RTL9: variants seen among roughly 807,000 people sequenced by gnomAD.
RTL9 encodes retrotransposon Gag-like protein 9.
A neutral mutation model predicts 44.7 loss-of-function variants in RTL9; 19 were observed. That is an observed-to-expected ratio of 0.42 (90% CI 0.30 to 0.62). RTL9 has a LOEUF of 0.62. Among genes scored for constraint, RTL9 ranks in the 20% least tolerant of loss-of-function variants. The probability of loss-of-function intolerance (pLI) is 0.16; values close to 1 mark genes in which losing one functional copy is unlikely to be tolerated. For missense variants in RTL9, 1,105 were observed against 1,080.6 expected (o/e 1.02, Z -0.32); for synonymous variants, 407 against 398.9 (o/e 1.02, Z -0.24).
chrX:110,394,464 G>A (rs1205897780), intron 1 of RTL9, among the ~76,000 whole-genome samples: 1 of 112,237 alleles, frequency 8.9e-6, no homozygotes, highest in African/African-American at 3.2e-5. Context: ...TGTTGCCCAG[G>A]CTGGTATTTG....
intron 1 of RTL9, among the ~76,000 whole-genome samples, chrX:110,432,426 G>T (rs1007205493): frequency 8.9e-6 from 1 of 112,171 alleles, no homozygotes; most frequent in Admixed American, 9.4e-5. Flanking sequence ...TGGTAGTGGT[G>T]GGGAGGGTTG....
chrX:110,411,168 A>G, intron 1 of RTL9, among the ~76,000 whole-genome samples: 1 of 112,051 alleles, frequency 8.9e-6, no homozygotes, highest in Non-Finnish European at 1.9e-5. Context: ...CCGACAGTGA[A>G]CCTTGGCGTG....
At chrX:110,410,322 G>C (rs900444184) in intron 1 of RTL9, among the ~76,000 whole-genome samples, 3 of 111,741 alleles carry the variant, frequency 2.7e-5, no homozygotes, top group Non-Finnish European at 5.6e-5. Context: ...GCATCTTAAA[G>C]GTTGTTTTTC....
intron 1 of RTL9, among the ~76,000 whole-genome samples, chrX:110,385,900 C>G (rs191784423): frequency 5.4e-5 from 6 of 111,881 alleles, no homozygotes; most frequent in Non-Finnish European, 1.1e-4. Flanking sequence ...CTCCCACTTA[C>G]AAGTGAGAAC....
At chrX:110,363,173 T>C (rs1000679670) in intron 1 of RTL9, among the ~76,000 whole-genome samples, 3 of 111,942 alleles carry the variant, frequency 2.7e-5, no homozygotes, top group African/African-American at 9.8e-5. Context: ...TGGGGCTATA[T>C]GGGTGGGAAT....
At chrX:110,416,505 C>G (rs1325888054), upstream of RTL9, among the ~76,000 whole-genome samples, 2 of 110,687 alleles carry the variant, frequency 1.8e-5, no homozygotes, top group Non-Finnish European at 3.8e-5. Context: ...TGCCCGGGGT[C>G]ACTCAGGCTA....
chrX:110,431,763 C>G (rs1332296739), intron 1 of RTL9, among the ~76,000 whole-genome samples: 1 of 111,908 alleles, frequency 8.9e-6, no homozygotes, highest in African/African-American at 3.3e-5. Context: ...CCAGGACTCA[C>G]TGCTAGAAAA....
At chrX:110,407,182 C>T (rs1311929444) in intron 1 of RTL9, among the ~76,000 whole-genome samples, 1 of 112,298 alleles carries the variant, frequency 8.9e-6, no homozygotes, top group Non-Finnish European at 1.9e-5. Context: ...TCTGCTTCCC[C>T]ATCCTGGTTT....
intron 1 of RTL9, among the ~76,000 whole-genome samples, chrX:110,400,535 C>G (rs989503447): frequency 5.4e-5 from 6 of 110,898 alleles, no homozygotes; most frequent in Admixed American, 2.9e-4. Context: ...CTCACCAGTC[C>G]TCACTACATT....
intron 1 of RTL9, among the ~76,000 whole-genome samples, chrX:110,374,437 T>C (rs991668090): frequency 1.8e-5 from 2 of 112,034 alleles, no homozygotes; most frequent in Non-Finnish European, 3.8e-5. Context: ...CAGCCTGAGA[T>C]TGGATCCCCC....
chrX:110,406,718 C>T (rs557897806), intron 1 of RTL9, among the ~76,000 whole-genome samples: 1 of 112,322 alleles, frequency 8.9e-6, no homozygotes, highest in Middle Eastern at 4.6e-3. Context: ...TACACACCCA[C>T]CAACAGTGTA....
chrX:110,448,396 G>A (rs1050580109), upstream of RTL9, among the ~76,000 whole-genome samples: 10 of 110,243 alleles, frequency 9.1e-5, no homozygotes, highest in Non-Finnish European at 1.3e-4. Context: ...CAGAGGGCAC[G>A]TATCTTGTTT....
At chrX:110,439,554 C>G (rs574870068) in intron 1 of RTL9, among the ~76,000 whole-genome samples, 1 of 112,014 alleles carries the variant, frequency 8.9e-6, no homozygotes, top group African/African-American at 3.3e-5. Context: ...TTAAGACATT[C>G]AAATGCCAAG....
intron 1 of RTL9, among the ~76,000 whole-genome samples, chrX:110,383,768 G>C (rs2068436120): frequency 9.0e-6 from 1 of 111,253 alleles, no homozygotes; most frequent in Non-Finnish European, 1.9e-5. Context: ...TTAATTAATC[G>C]TCCTTTGAGC....
intron 1 of RTL9, among the ~76,000 whole-genome samples, chrX:110,378,546 CCTAT>C (rs1360844901): frequency 3.6e-5 from 4 of 112,096 alleles, no homozygotes; most frequent in Non-Finnish European, 7.5e-5. Flanking sequence ...TATATGTTTG[CCTAT>C]CTTTCTTTTC....
intron 1 of RTL9, among the ~76,000 whole-genome samples, chrX:110,378,078 C>T (rs1418023867): frequency 3.7e-5 from 4 of 107,499 alleles, no homozygotes; most frequent in Non-Finnish European, 7.7e-5. Context: ...TCCTTTTCTT[C>T]AAGATTCTGA....
intron 1 of RTL9, among the ~76,000 whole-genome samples, chrX:110,407,472 A>G (rs955241277): frequency 4.3e-4 from 48 of 112,551 alleles, no homozygotes; most frequent in African/African-American, 1.5e-3. Flanking sequence ...AATAATACAA[A>G]TAACAACCAT....
intron 1 of RTL9, among the ~76,000 whole-genome samples, chrX:110,388,873 C>T (rs1490381041): frequency 3.6e-5 from 4 of 112,445 alleles, no homozygotes; most frequent in Non-Finnish European, 7.5e-5. Flanking sequence ...CATGAGGAAA[C>T]TGTGTGATGT....
At chrX:110,430,094 C>T (rs540298589) in intron 1 of RTL9, among the ~76,000 whole-genome samples, 158 of 112,412 alleles carry the variant, frequency 1.4e-3, no homozygotes, top group African/African-American at 4.8e-3. Context: ...TCCAGGAGTT[C>T]TTCCAGTGAA....
Sources: gnomAD v4.1 joint callset for allele counts (sites outside exome capture counted in the v4.1 genomes callset) on GRCh38, gnomAD v4.1.1 for gene constraint, MANE v1.5 for transcripts, NCBI Gene and HGNC (gene_info 2026-07-23, HGNC 2026-07-21) for gene names.